Variants in SYNE1 observed in about 807,000 individuals in gnomAD.
SYNE1 encodes the protein nesprin-1.
A neutral mutation model predicts 1,111.0 loss-of-function variants in SYNE1; 616 were observed. The ratio of observed to expected loss-of-function variants is 0.55; its 90% confidence interval spans 0.52 to 0.59. SYNE1 has a LOEUF of 0.59. Ranked by LOEUF, SYNE1 falls within the 20% of genes least tolerant of loss-of-function variation. The pLI, the probability that SYNE1 is intolerant of heterozygous loss-of-function variation, is 0.00. For missense variants in SYNE1, 10,006 were observed against 10,417.0 expected (o/e 0.96, Z 1.72); for synonymous variants, 3,855 against 3,825.8 (o/e 1.01, Z -0.28).
chr6:152,417,427 G>A (rs528337152), intron 40 of SYNE1, among the ~76,000 whole-genome samples: 73 of 152,292 alleles, frequency 4.8e-4, no homozygotes, highest in African/African-American at 1.6e-3. Context: ...GAACCCGGGA[G>A]GCGGAGCTTG....
In SYNE1 at chr6:152,308,505, T is replaced by C. The variant is rs763558490; in HGVS notation, c.17330A>G (p.Gln5777Arg). 6.2e-7 allele frequency: 1 copy of C among 1,614,192 alleles called. No homozygotes were observed. Among genetic ancestry groups the C allele is most frequent in the Non-Finnish European group, 8.5e-7 (1 of 1,180,042 alleles). The change falls in exon 91 of 146, where the codon CAG (glutamine) becomes CGG (arginine). Residue 5777 changes from glutamine to arginine, a missense_variant. By Grantham distance (43) the Gln-to-Arg change is conservative. Transcript: ENST00000367255. The stretch of plus-strand genomic sequence containing the variant: ...TCCTCTCACCTCATGCCGAGAAATC[T>C]GAGCCTGCAGCTCCTGTATGTTACT... ...ATSNIQELQA[Q>R]ISRHEELAQK... is the part of the protein sequence containing the mutation.
At chr6:152,313,418 G>T (rs1404519190) in intron 87 of SYNE1, among the ~76,000 whole-genome samples, 1 of 150,708 alleles carries the variant, frequency 6.6e-6, no homozygotes, top group Non-Finnish European at 1.5e-5. Context: ...AGTCACTCTG[G>T]TTCTCACATC....
chr6:152,514,610 G>C (rs749786353), intron 6 of SYNE1, among the ~76,000 whole-genome samples: 5 of 143,952 alleles, frequency 3.5e-5, no homozygotes, highest in Non-Finnish European at 7.6e-5. Flanking sequence ...ATGTATCCCA[G>C]AACTTAAAGT....
intron 87 of SYNE1, among the ~76,000 whole-genome samples, chr6:152,312,358 A>AGCC (rs1225822958): frequency 6.6e-6 from 1 of 150,458 alleles, no homozygotes; most frequent in Non-Finnish European, 1.5e-5. Flanking sequence ...TACAGGCATG[A>AGCC]GCCGCCACGC....
chr6:152,199,297 T>G (rs960167941), intron 127 of SYNE1, among the ~76,000 whole-genome samples: 1 of 152,228 alleles, frequency 6.6e-6, no homozygotes, highest in Non-Finnish European at 1.5e-5. Flanking sequence ...ATCACACTGA[T>G]GAAATATTTT....
intron 3 of SYNE1, among the ~76,000 whole-genome samples, chr6:152,618,055 C>T (rs2099665122): frequency 6.6e-6 from 1 of 152,108 alleles, no homozygotes; most frequent in Non-Finnish European, 1.5e-5. Flanking sequence ...AGCTTCTAAG[C>T]AGGGAAGAAG....
intron 124 of SYNE1, 44 bp from the exon 125 acceptor site, chr6:152,208,250 G>A: frequency 6.4e-7 from 1 of 1,569,362 alleles, no homozygotes; most frequent in South Asian, 1.1e-5. Context: ...CTGTTATCTT[G>A]GATGCAGTTA....
chr6:152,467,794 A>G (rs2154274425), intron 16 of SYNE1, among the ~76,000 whole-genome samples: 1 of 152,184 alleles, frequency 6.6e-6, no homozygotes, highest in South Asian at 2.1e-4. Context: ...AAAGAAAGAT[A>G]CCTATTTTGT....
At chr6:152,514,832 G>A (rs964561561) in intron 6 of SYNE1, among the ~76,000 whole-genome samples, 4 of 152,008 alleles carry the variant, frequency 2.6e-5, no homozygotes, top group African/African-American at 9.7e-5. Flanking sequence ...CCTCCAAAAC[G>A]CTGACAAAAT....
In SYNE1 at chr6:152,359,545, AGT is replaced by A; in HGVS notation, c.10300-89_10300-88del. 1.9e-6 allele frequency: 3 copies of A among 1,543,804 alleles called. No individual in the cohort carries two copies. In the Admixed American group the frequency reaches 5.1e-5, roughly 26 times the overall value. ...TAAAATCAAGATATTTTAATTGTAC[AGT>A]TGACAAGTGACCTCAGGTTATTTAT... On this transcript the variant is annotated intron_variant, in intron 64 of 145. Transcript: ENST00000367255.
chr6:152,497,706 T>A (rs2154317546), intron 11 of SYNE1, among the ~76,000 whole-genome samples: 1 of 152,342 alleles, frequency 6.6e-6, no homozygotes, highest in East Asian at 1.9e-4. Context: ...GTCTAGCAGA[T>A]TGCAATAAGG....
At chr6:152,182,817 A>G (rs1260494753) in intron 128 of SYNE1, among the ~76,000 whole-genome samples, 2 of 152,186 alleles carry the variant, frequency 1.3e-5, no homozygotes, top group African/African-American at 4.8e-5. Flanking sequence ...AAATTTTGAA[A>G]GGCCACCATG....
rs751724426 is a variant in SYNE1 at position 152,352,074 on chromosome 6, G to T, written c.11533C>A (p.Pro3845Thr). The T allele has an allele frequency of 6.2e-7, 1 of 1,614,140 alleles. No homozygotes were observed. The change falls in exon 70 of 146, where the codon CCC becomes ACC. Residue 3845 changes from proline to threonine, a missense_variant. By Grantham distance (38) the Pro-to-Thr change is conservative. Coordinates refer to ENST00000367255, the MANE Select transcript of SYNE1 (RefSeq NM_182961.4). ...YQEILHVPEE[P>T]KMELYEKKAQ... ...TTTTTCTCATATAATTCCATTTTGGGTTCTTCAGGAACATGTAGAATTTCC... is the reference window on the plus strand; with the variant it reads ...TTTTTCTCATATAATTCCATTTTGGTTTCTTCAGGAACATGTAGAATTTCC...
rs2095775129 is a variant in SYNE1, at chr6:152,317,935, G to A, written c.16572+146C>T. 9.6e-6 allele frequency: 10 copies of A among 1,045,388 alleles called. No homozygotes were observed. In the East Asian group the frequency reaches 2.0e-4, roughly 21 times the overall value. The allele number at this position is 1,045,388 out of a possible 1,614,324, so 64.8% of individuals were successfully genotyped here. On this transcript the variant is annotated intron_variant, in intron 86 of 145. Coordinates refer to ENST00000367255, the MANE Select transcript of SYNE1 (RefSeq NM_182961.4). ...TTATACCTAAGTCTTAGGATCACAAGTGTAGCATGAAATAAGCTACACCTA... is the reference window on the plus strand; with the variant it reads ...TTATACCTAAGTCTTAGGATCACAAATGTAGCATGAAATAAGCTACACCTA...
rs147406318 is a variant in SYNE1 at position 152,461,631 on chromosome 6, G to A, written c.2360C>T (p.Ala787Val). Residue 787 changes from alanine to valine, a missense_variant, in exon 21 of 146, where the codon GCG (alanine) becomes GTG (valine). Physicochemically the swap from Ala to Val is moderately conservative, Grantham distance 64. Transcript: ENST00000367255. ...SPQEEGKEMF[A>V]TMSKLKEQLT... Reference sequence around the variant, plus strand: ...CTGCTCTTTGAGCTTTGACATGGTCGCAAACATTTCTTTTCCTTCTTCTTG... The same window carrying A: ...CTGCTCTTTGAGCTTTGACATGGTCACAAACATTTCTTTTCCTTCTTCTTG... 22 of 1,613,754 alleles carry A rather than the reference G, an allele frequency of 1.4e-5. No homozygotes were observed. The South Asian group carries it at 1.4e-4, about 10-fold the overall frequency.
At chr6:152,324,553 C>G (rs887772223) in intron 81 of SYNE1, among the ~76,000 whole-genome samples, 1 of 152,046 alleles carries the variant, frequency 6.6e-6, no homozygotes, top group Non-Finnish European at 1.5e-5. Flanking sequence ...CAGCACTTGG[C>G]GGGGGCTGAG....
intron 130 of SYNE1, among the ~76,000 whole-genome samples, chr6:152,172,144 T>A (rs1167195304): frequency 6.6e-6 from 1 of 152,102 alleles, no homozygotes; most frequent in Non-Finnish European, 1.5e-5. Context: ...GAAAGTAGAT[T>A]AGTAGTTTCC....
chr6:152,302,177 C>G (rs1189606835), intron 91 of SYNE1, 114 bp from the exon 92 acceptor site: 5 of 1,431,530 alleles, frequency 3.5e-6, no homozygotes, highest in Admixed American at 3.5e-5. Flanking sequence ...CGCGCGGGCC[C>G]GGGAGGCAGG....
intron 130 of SYNE1, among the ~76,000 whole-genome samples, chr6:152,174,087 G>A (rs1220891224): frequency 6.6e-6 from 1 of 152,132 alleles, no homozygotes; most frequent in Non-Finnish European, 1.5e-5. Flanking sequence ...CTTTGACATA[G>A]TGCATCCTTA....
Sources: allele counts gnomAD v4.1 joint callset (sites outside exome capture counted in the v4.1 genomes callset), GRCh38; gene constraint gnomAD v4.1.1; transcripts MANE v1.5; gene names NCBI Gene and HGNC (gene_info 2026-07-23, HGNC 2026-07-21).